Variants in SYT10 observed in about 807,000 individuals in gnomAD.
SYT10 encodes synaptotagmin-10.
Under a neutral mutation model 51.1 loss-of-function variants are expected in SYT10, and 31 were observed. The observed-to-expected ratio is 0.61, with a 90% CI of 0.46 to 0.82. The LOEUF (loss-of-function observed/expected upper bound fraction) is 0.82, where lower values mean the gene tolerates loss of function less well. Among genes scored for constraint, SYT10 ranks in the 40% least tolerant of loss-of-function variants. SYT10 has a pLI of 0.00. For missense variants in SYT10, 603 were observed against 634.0 expected, an observed-to-expected ratio of 0.95 and a Z score of 0.53; for synonymous variants, 233 against 225.9, an observed-to-expected ratio of 1.03 and a Z score of -0.28.
chr12:33,379,904 A>G lies in SYT10; in HGVS notation c.1428T>C (p.Leu476=), dbSNP rs2138380945. The stretch of plus-strand genomic sequence containing the variant: ...GCATTTCATTCCAGTGGTCTCGCCC[A>G]AGACCCTCAGCATCCAGTCCTGTTC... ...VCRTGLDAEG[L]GRDHWNEMLA... is the part of the protein sequence containing the mutation. The change falls in exon 6 of 7, where the codon CTT becomes CTC. Residue 476 remains leucine (L), a synonymous_variant. Coordinates refer to ENST00000228567, the MANE Select transcript of SYT10 (RefSeq NM_198992.4). The G allele has an allele frequency of 6.2e-7, 1 of 1,613,992 alleles. No individual in the cohort carries two copies. The highest frequency in any genetic ancestry group is 8.5e-7 in the Non-Finnish European group (1 of 1,179,932).
At chr12:33,376,935 G>C in intron 6 of SYT10, 34 bp from the exon 7 acceptor site, 2 of 1,605,616 alleles carry the variant, frequency 1.2e-6, no homozygotes. Flanking sequence ...GTATGATCTA[G>C]TACAGAAATA....
At chr12:33,416,555 C>A (rs775096473) in intron 2 of SYT10, among the ~76,000 whole-genome samples, 1 of 152,158 alleles carries the variant, frequency 6.6e-6, no homozygotes, top group African/African-American at 2.4e-5. Context: ...CGTTTCTGCT[C>A]GAATTCCGAC....
intron 2 of SYT10, chr12:33,407,983 A>T (rs545608130): frequency 1.3e-5 from 2 of 152,368 alleles, no homozygotes; most frequent in African/African-American, 4.8e-5. Flanking sequence ...AAACAATTCT[A>T]AAGAAACATG....
intron 5 of SYT10, 32 bp downstream of exon 5, chr12:33,382,317 C>T: frequency 1.3e-6 from 2 of 1,502,424 alleles, no homozygotes; most frequent in East Asian, 2.4e-5. Flanking sequence ...CTAGACATGG[C>T]TGCTCTTCAG....
intron 5 of SYT10, among the ~76,000 whole-genome samples, chr12:33,381,503 A>G (rs913406633): frequency 1.3e-5 from 2 of 152,222 alleles, no homozygotes; most frequent in African/African-American, 4.8e-5. Flanking sequence ...GGGCAAAATA[A>G]TAAGAGGAAG....
intron 3 of SYT10, among the ~76,000 whole-genome samples, chr12:33,386,794 C>T (rs370129905): frequency 6.0e-4 from 91 of 152,232 alleles, no homozygotes; most frequent in African/African-American, 1.9e-3. Flanking sequence ...CTGAAGTGCA[C>T]GGTGCATAGC....
intron 4 of SYT10, 59 bp downstream of exon 4, chr12:33,385,112 A>G: frequency 6.3e-7 from 1 of 1,587,156 alleles, no homozygotes; most frequent in Non-Finnish European, 8.6e-7. Flanking sequence ...TCATTTTTAG[A>G]TACATGAAAT....
At chr12:33,390,155 G>C (rs1171859173) in intron 3 of SYT10, among the ~76,000 whole-genome samples, 1 of 152,210 alleles carries the variant, frequency 6.6e-6, no homozygotes, top group African/African-American at 2.4e-5. Context: ...CTATAGTCCT[G>C]GCGGAGCCTC....
intron 3 of SYT10, chr12:33,405,066 T>G (rs1169890578): frequency 6.6e-6 from 1 of 152,178 alleles, no homozygotes; most frequent in African/African-American, 2.4e-5. Context: ...ATTTTTTAGA[T>G]TTCATTGGCA....
At chr12:33,377,145 A>C (rs1164775981) in intron 6 of SYT10, among the ~76,000 whole-genome samples, 1 of 152,100 alleles carries the variant, frequency 6.6e-6, no homozygotes, top group Non-Finnish European at 1.5e-5. Context: ...TGTGTAGACA[A>C]CTATTTATGA....
chr12:33,434,210 A>C (rs934391894), intron 1 of SYT10, among the ~76,000 whole-genome samples: 2 of 152,146 alleles, frequency 1.3e-5, no homozygotes. Flanking sequence ...AGTTGAACAC[A>C]CTCTGAAGAA....
Position 33,439,776 on chromosome 12 carries a change from C to A in SYT10, c.-254G>T. 2.1e-6 allele frequency: 1 copy of A among 470,192 alleles called. No individual in the cohort carries two copies. Among genetic ancestry groups the A allele is most frequent in the East Asian group, 3.7e-5 (1 of 26,726 alleles). The allele number at this position is 470,192 out of a possible 1,614,324, so 29.1% of individuals were successfully genotyped here. On this transcript the variant is annotated 5_prime_UTR_variant, in exon 1 of 7. Coordinates refer to ENST00000228567, the MANE Select transcript of SYT10 (RefSeq NM_198992.4). ...GGTTTGCGCCAACTCTCCCGCCGCGCGAGCGAGCCGAGGCGCGCTGGAACT... is the reference window on the plus strand; with the variant it reads ...GGTTTGCGCCAACTCTCCCGCCGCGAGAGCGAGCCGAGGCGCGCTGGAACT...
At chr12:33,433,748 T>C (rs1426715455) in intron 1 of SYT10, among the ~76,000 whole-genome samples, 1 of 152,180 alleles carries the variant, frequency 6.6e-6, no homozygotes, top group Non-Finnish European at 1.5e-5. Context: ...AATTGCACAC[T>C]AAGAAATTTT....
intron 3 of SYT10, among the ~76,000 whole-genome samples, chr12:33,399,109 G>A (rs1225201392): frequency 6.6e-6 from 1 of 152,198 alleles, no homozygotes; most frequent in Non-Finnish European, 1.5e-5. Context: ...AAATTATGTA[G>A]ATGTGATGAA....
rs1244102606 is a variant in SYT10, at chr12:33,426,539, T to TA, written c.152-45dup. The TA allele has an allele frequency of 5.7e-6, 8 of 1,412,134 alleles. No homozygotes were observed. The African/African-American group carries it at 8.7e-5, about 15-fold the overall frequency. The allele number at this position is 1,412,134 out of a possible 1,614,324, so 87.5% of individuals were successfully genotyped here. A position where few individuals can be genotyped will look rare whatever the true frequency, so the allele number is the denominator to read the frequency against. Reference sequence around the variant, plus strand: ...AAAAATGATTAATTAATATTGTACATAAAAAAGCAGAAATGGAAAGAATAT... The same window carrying TA: ...AAAAATGATTAATTAATATTGTACATAAAAAAAGCAGAAATGGAAAGAATAT... On this transcript the variant is annotated intron_variant, in intron 1 of 6. Coordinates refer to ENST00000228567, the MANE Select transcript of SYT10 (RefSeq NM_198992.4).
At chr12:33,414,895 A>G (rs1334816796) in intron 2 of SYT10, among the ~76,000 whole-genome samples, 1 of 152,192 alleles carries the variant, frequency 6.6e-6, no homozygotes, top group African/African-American at 2.4e-5. Flanking sequence ...ATGTATTAAT[A>G]TGGTCACTTT....
At chr12:33,420,618 C>G (rs2138427565) in intron 2 of SYT10, among the ~76,000 whole-genome samples, 1 of 152,286 alleles carries the variant, frequency 6.6e-6, no homozygotes, top group East Asian at 1.9e-4. Context: ...TGCCACTGCA[C>G]TCCTGCCTGG....
chr12:33,380,101 G>T, intron 5 of SYT10, 140 bp from the exon 6 acceptor site: 1 of 844,894 alleles, frequency 1.2e-6, no homozygotes. Flanking sequence ...CAGACCGAAT[G>T]AAATCTCTTA....
chr12:33,389,935 C>T (rs1453203249), intron 3 of SYT10, among the ~76,000 whole-genome samples: 3 of 152,222 alleles, frequency 2.0e-5, no homozygotes, highest in Non-Finnish European at 4.4e-5. Context: ...ACTTCTCATT[C>T]ACCTGGAATT....
Sources: gnomAD v4.1 joint callset for allele counts (sites outside exome capture counted in the v4.1 genomes callset) on GRCh38, gnomAD v4.1.1 for gene constraint, MANE v1.5 for transcripts, NCBI Gene and HGNC (gene_info 2026-07-23, HGNC 2026-07-21) for gene names.